TMEM132B: variants seen among roughly 807,000 people sequenced by gnomAD.
The protein encoded by TMEM132B is transmembrane protein 132B.
Under a neutral mutation model 90.8 loss-of-function variants are expected in TMEM132B, and 18 were observed. The observed-to-expected ratio is 0.20, with a 90% CI of 0.14 to 0.29. The LOEUF is 0.29. Among genes scored for constraint, TMEM132B ranks in the 10% least tolerant of loss-of-function variants. The probability of loss-of-function intolerance (pLI) is 1.00; values close to 1 mark genes in which losing one functional copy is unlikely to be tolerated. For synonymous variants in TMEM132B, 504 were observed against 523.3 expected (o/e 0.96, Z 0.50); for missense variants, 1,096 against 1,326.8 (o/e 0.83, Z 2.70).
intron 2 of TMEM132B, among the ~76,000 whole-genome samples, chr12:125,382,350 A>G (rs990007712): frequency 1.3e-5 from 2 of 152,162 alleles, no homozygotes; most frequent in African/African-American, 4.8e-5. Flanking sequence ...TATCTTTTTC[A>G]TTCCAAGAGA....
In TMEM132B at chr12:125,658,475, G is replaced by C. The variant is rs1171198996; in HGVS notation, c.*3765G>C. The C allele has an allele frequency of 1.3e-5, 2 of 152,118 alleles. No homozygotes were observed. Among genetic ancestry groups the C allele is most frequent in the Non-Finnish European group, 2.9e-5 (2 of 68,026 alleles). 9.4% of individuals were successfully genotyped at this position (152,118 alleles called of 1,614,324 possible). A position where few individuals can be genotyped will look rare whatever the true frequency, so the allele number is the denominator to read the frequency against. ...AGGGACACCAGTGTGTTTTCTACTC[G>C]AGTTACCTAAAAATGGTCTCAATTT... On this transcript the variant is annotated 3_prime_UTR_variant, in exon 9 of 9. Transcript: ENST00000682704.
intron 1 of TMEM132B, among the ~76,000 whole-genome samples, chr12:125,285,814 C>G (rs1022063940): frequency 1.3e-5 from 2 of 152,176 alleles, no homozygotes; most frequent in African/African-American, 2.4e-5. Context: ...GGGGGCAAAG[C>G]GTTTCCCAGC....
intron 3 of TMEM132B, among the ~76,000 whole-genome samples, chr12:125,443,204 G>C (rs10466869): frequency 0.36 from 54,350 of 152,026 alleles, 10,015 homozygotes; most frequent in East Asian, 0.47. Context: ...GTTGGCTACG[G>C]TTTTACTTAC....
At chr12:125,433,507 C>CTT (rs540659092) in intron 3 of TMEM132B, among the ~76,000 whole-genome samples, 95 of 140,174 alleles carry the variant, frequency 6.8e-4, no homozygotes, top group African/African-American at 1.8e-3. Flanking sequence ...TTTGTATTTT[C>CTT]TTTTTTTTTT....
At chr12:125,197,562 A>G (rs1029598067) in intron 1 of TMEM132B, among the ~76,000 whole-genome samples, 1 of 152,204 alleles carries the variant, frequency 6.6e-6, no homozygotes, top group African/African-American at 2.4e-5. Flanking sequence ...ATTTGTTTAC[A>G]TATTGTCTAC....
chr12:125,255,161 C>T (rs1407729779), intron 1 of TMEM132B, among the ~76,000 whole-genome samples: 1 of 152,204 alleles, frequency 6.6e-6, no homozygotes, highest in Admixed American at 6.5e-5. Context: ...TTGCCACCCT[C>T]CATCCCTAGC....
intron 3 of TMEM132B, among the ~76,000 whole-genome samples, chr12:125,511,417 T>C (rs1882975080): frequency 6.6e-6 from 1 of 152,124 alleles, no homozygotes; most frequent in Non-Finnish European, 1.5e-5. Flanking sequence ...AACCAGGAAG[T>C]AGAAATTTAC....
chr12:125,239,514 T>C (rs1874016026), intron 1 of TMEM132B, among the ~76,000 whole-genome samples: 1 of 152,238 alleles, frequency 6.6e-6, no homozygotes. Context: ...CTCTTGGCTC[T>C]GTATTTGCCT....
At chr12:125,519,849 C>T (rs1024495711) in intron 4 of TMEM132B, among the ~76,000 whole-genome samples, 3 of 152,150 alleles carry the variant, frequency 2.0e-5, no homozygotes, top group African/African-American at 7.2e-5. Flanking sequence ...GGAACTGTTT[C>T]CTGGGGAGCC....
chr12:125,282,208 C>T (rs1875209662), intron 1 of TMEM132B, among the ~76,000 whole-genome samples: 1 of 152,102 alleles, frequency 6.6e-6, no homozygotes, highest in Non-Finnish European at 1.5e-5. Flanking sequence ...CTACACCCTT[C>T]TGTAAACCCT....
intron 3 of TMEM132B, among the ~76,000 whole-genome samples, chr12:125,436,998 G>A (rs1198153105): frequency 6.6e-6 from 1 of 152,128 alleles, no homozygotes; most frequent in East Asian, 1.9e-4. Context: ...GGTGTGTTCA[G>A]GTCTATAATT....
chr12:125,225,144 C>G (rs1322174961), intron 1 of TMEM132B, among the ~76,000 whole-genome samples: 1 of 152,196 alleles, frequency 6.6e-6, no homozygotes, highest in African/African-American at 2.4e-5. Flanking sequence ...GTTCCCAAAT[C>G]AATCAGCTGA....
At chr12:125,628,664 T>C (rs1472685423) in intron 5 of TMEM132B, among the ~76,000 whole-genome samples, 2 of 152,176 alleles carry the variant, frequency 1.3e-5, no homozygotes, top group Non-Finnish European at 2.9e-5. Flanking sequence ...ATGATCCCAT[T>C]TGCCCATTTT....
At chr12:125,542,050 A>AT (rs1474645021) in intron 4 of TMEM132B, among the ~76,000 whole-genome samples, 12 of 150,730 alleles carry the variant, frequency 8.0e-5, no homozygotes, top group Non-Finnish European at 1.3e-4. Flanking sequence ...AAAAAAAAAA[A>AT]AAGAAGTGAA....
At chr12:125,270,112 T>TTTGTG (rs372403246) in intron 1 of TMEM132B, among the ~76,000 whole-genome samples, 15 of 143,144 alleles carry the variant, frequency 1.0e-4, no homozygotes, top group African/African-American at 2.9e-4. Flanking sequence ...CACATCTTTG[T>TTTGTG]TGTGTGTGTG....
rs1167104363 is a variant in TMEM132B, at chr12:125,411,155, AGGAGT to A, written c.960-4354_960-4350del. ...GAGTGGAGTGGAGTGAGTGGAGTGGAGGAGTGGAGTGGAGTGGAGTGGAGTGAGTG... is the reference window on the plus strand; with the variant it reads ...GAGTGGAGTGGAGTGAGTGGAGTGGAGGAGTGGAGTGGAGTGGAGTGAGTG... On this transcript the variant is annotated intron_variant, in intron 2 of 8. Coordinates refer to ENST00000682704, the MANE Select transcript of TMEM132B (RefSeq NM_001366854.1). Among the ~76,000 whole-genome samples the A allele has an allele frequency of 5.9e-4, 26 of 43,918 alleles. 1 individual carries two copies. Among genetic ancestry groups the A allele is most frequent in the Middle Eastern group, 0.018 (1 of 56 alleles). The allele number at this position is 43,918 out of a possible 152,430, so 28.8% of individuals were successfully genotyped here. A position where few individuals can be genotyped will look rare whatever the true frequency, so the allele number is the denominator to read the frequency against.
intron 1 of TMEM132B, among the ~76,000 whole-genome samples, chr12:125,311,227 G>A (rs1876115273): frequency 6.6e-6 from 1 of 152,158 alleles, no homozygotes; most frequent in Non-Finnish European, 1.5e-5. Context: ...ATCCCTGTTT[G>A]TTAGTCATAG....
At chr12:125,625,892 T>G (rs1416103892) in intron 5 of TMEM132B, among the ~76,000 whole-genome samples, 3 of 152,248 alleles carry the variant, frequency 2.0e-5, no homozygotes, top group African/African-American at 7.2e-5. Context: ...TGGTATTTCC[T>G]TGATAATTCT....
chr12:125,280,399 C>G (rs1875125046), intron 1 of TMEM132B, among the ~76,000 whole-genome samples: 1 of 152,220 alleles, frequency 6.6e-6, no homozygotes, highest in South Asian at 2.1e-4. Context: ...AAGAGGCTAA[C>G]TTAATTGGTC....
Sources: allele counts gnomAD v4.1 joint callset (sites outside exome capture counted in the v4.1 genomes callset), GRCh38; gene constraint gnomAD v4.1.1; transcripts MANE v1.5; gene names NCBI Gene and HGNC (gene_info 2026-07-23, HGNC 2026-07-21).